Variants in USP4 observed in about 807,000 individuals in gnomAD.
The protein encoded by USP4 is ubiquitin carboxyl-terminal hydrolase 4.
USP4 carries 72 observed loss-of-function variants against 118.2 expected under a neutral mutation model. The ratio of observed to expected loss-of-function variants is 0.61; its 90% CI spans 0.50 to 0.74. The LOEUF (loss-of-function observed/expected upper bound fraction) is 0.74. Ranked by LOEUF, USP4 falls within the 30% of genes least tolerant of loss-of-function variation. USP4 has a pLI of 0.00. For missense variants in USP4, 1,037 were observed against 1,185.7 expected (o/e 0.87, Z 1.84); for synonymous variants, 415 against 440.4 (o/e 0.94, Z 0.72).
chr3:49,283,983 C>T lies in USP4; in HGVS notation c.2540+4G>A, dbSNP rs754309935. On this transcript the variant is annotated splice_donor_region_variant and intron_variant, in intron 19 of 21. Coordinates refer to ENST00000265560, the MANE Select transcript of USP4 (RefSeq NM_003363.4). ...TTCCTAACACTGTAGTCACCATGAC[C>T]CACCTGATTGGGAATTCTACGACTG... 3.1e-6 allele frequency: 5 copies of T among 1,614,068 alleles called. No individual in the cohort carries two copies. The South Asian group carries it at 4.4e-5, about 14-fold the overall frequency.
intron 6 of USP4, among the ~76,000 whole-genome samples, chr3:49,316,299 ATTTAT>A (rs1239896258): frequency 1.3e-5 from 2 of 152,054 alleles, no homozygotes; most frequent in Admixed American, 6.6e-5. Context: ...AACTTTATTT[ATTTAT>A]TTTGAGAGTG....
rs776286538 is a variant in USP4 at position 49,302,453 on chromosome 3, A to G, written c.1218T>C (p.His406=). The part of the protein sequence containing the change: ...ELLAFLLDGL[H]EDLNRVKKKP... The stretch of plus-strand genomic sequence containing the variant: ...TTTTCTTTACCCGGTTCAGATCTTC[A>G]TGCAATCCATCTAGAAGAAAGGCCA... The change falls in exon 10 of 22, where the codon CAT becomes CAC. Residue 406 remains histidine (H), a synonymous_variant. Coordinates refer to ENST00000265560, the MANE Select transcript of USP4 (RefSeq NM_003363.4). The G allele has an allele frequency of 5.0e-6, 8 of 1,614,184 alleles. No homozygotes were observed. Among genetic ancestry groups the G allele is most frequent in the Non-Finnish European group, 6.8e-6 (8 of 1,180,034 alleles).
At chr3:49,291,206 C>T (rs914683024) in intron 15 of USP4, among the ~76,000 whole-genome samples, 6 of 150,304 alleles carry the variant, frequency 4.0e-5, no homozygotes, top group African/African-American at 1.5e-4. Context: ...CCTCGTGATC[C>T]ACCCACCTCA....
At chr3:49,335,878 C>G (rs1487119271) in intron 1 of USP4, among the ~76,000 whole-genome samples, 2 of 151,088 alleles carry the variant, frequency 1.3e-5, no homozygotes, top group Non-Finnish European at 3.0e-5. Context: ...CTTTTTTTTT[C>G]TTTTAGACGG....
chr3:49,309,929 G>A (rs2047364973), intron 8 of USP4, among the ~76,000 whole-genome samples: 1 of 72,716 alleles, frequency 1.4e-5, no homozygotes, highest in Non-Finnish European at 2.7e-5. Context: ...GCTGCCCCCG[G>A]ACTTTTTTTT....
At chr3:49,292,639 T>A in intron 14 of USP4, 41 bp from the exon 15 acceptor site, 1 of 1,375,358 alleles carries the variant, frequency 7.3e-7, no homozygotes, top group Non-Finnish European at 9.9e-7. Flanking sequence ...AGATTGTTAG[T>A]TGTAACATTT....
At chr3:49,286,657 A>T (rs1174635802) in intron 15 of USP4, among the ~76,000 whole-genome samples, 1 of 152,108 alleles carries the variant, frequency 6.6e-6, no homozygotes, top group East Asian at 1.9e-4. Context: ...CTTCACCATT[A>T]GGCCCACAGA....
chr3:49,281,333 G>A (rs1160702005), intron 19 of USP4, among the ~76,000 whole-genome samples: 2 of 151,936 alleles, frequency 1.3e-5, no homozygotes, highest in Admixed American at 6.6e-5. Flanking sequence ...GTGGGCGCCT[G>A]TAGTCCCAGC....
chr3:49,283,062 C>G (rs2047053656), intron 19 of USP4, among the ~76,000 whole-genome samples: 1 of 123,968 alleles, frequency 8.1e-6, no homozygotes, highest in Non-Finnish European at 1.6e-5. Flanking sequence ...TGTCACCAGG[C>G]TGGAGTGCAG....
At chr3:49,296,466 G>A (rs1411917352) in intron 13 of USP4, among the ~76,000 whole-genome samples, 1 of 151,560 alleles carries the variant, frequency 6.6e-6, no homozygotes, top group Non-Finnish European at 1.5e-5. Context: ...TGGCTAACAC[G>A]GTGAAGCCCT....
intron 6 of USP4, among the ~76,000 whole-genome samples, chr3:49,321,232 T>C (rs1052086374): frequency 6.6e-6 from 1 of 152,226 alleles, no homozygotes; most frequent in Non-Finnish European, 1.5e-5. Flanking sequence ...TTCAAAGTTA[T>C]ACATTCAATT....
At chr3:49,318,300 C>T in intron 6 of USP4, 1 of 985,056 alleles carries the variant, frequency 1.0e-6, no homozygotes. Flanking sequence ...AGAATACTTG[C>T]TGCCTTACCA....
Position 49,277,300 on chromosome 3 carries a change from G to A in USP4, c.*993C>T. 2 of 1,222,500 alleles carry A rather than the reference G, an allele frequency of 1.6e-6. No individual in the cohort carries two copies. Among genetic ancestry groups the A allele is most frequent in the South Asian group, 2.5e-5 (2 of 79,078 alleles). The allele number at this position is 1,222,500 out of a possible 1,614,324, so 75.7% of individuals were successfully genotyped here. On this transcript the variant is annotated 3_prime_UTR_variant, in exon 22 of 22. Coordinates refer to ENST00000265560, the MANE Select transcript of USP4 (RefSeq NM_003363.4). Reference sequence around the variant, plus strand: ...CAGACAAAAAATCCCGGACCCATACGTCCGGTTCCTTAAGGCCTTGCCCAC... The same window carrying A: ...CAGACAAAAAATCCCGGACCCATACATCCGGTTCCTTAAGGCCTTGCCCAC...
At chr3:49,297,826 G>A (rs1384239281) in intron 13 of USP4, 44 bp downstream of exon 13, 1 of 1,461,700 alleles carries the variant, frequency 6.8e-7, no homozygotes. Context: ...TCTCTAGAAT[G>A]TGTCCTCTGA....
At chr3:49,313,244 A>G (rs1373102374) in intron 6 of USP4, among the ~76,000 whole-genome samples, 1 of 152,142 alleles carries the variant, frequency 6.6e-6, no homozygotes, top group Non-Finnish European at 1.5e-5. Flanking sequence ...AATGGCAATA[A>G]GGCCAGGCGA....
intron 13 of USP4, among the ~76,000 whole-genome samples, chr3:49,295,199 G>A (rs1243896978): frequency 2.1e-5 from 3 of 142,034 alleles, no homozygotes; most frequent in Non-Finnish European, 4.5e-5. Context: ...TGAGGCAGGA[G>A]AATGGTGTGA....
chr3:49,317,300 C>T (rs1424030699), intron 6 of USP4: 3 of 1,472,874 alleles, frequency 2.0e-6, no homozygotes, highest in Non-Finnish European at 2.8e-6. Flanking sequence ...TTGACGCAGG[C>T]CAGCTTCTCT....
At chr3:49,303,198 T>C (rs1429262732) in intron 9 of USP4, among the ~76,000 whole-genome samples, 1 of 152,052 alleles carries the variant, frequency 6.6e-6, no homozygotes, top group African/African-American at 2.4e-5. Context: ...CCCAGAATTT[T>C]GGAAGGCTGA....
rs745532309 is a variant in USP4, at chr3:49,278,844, G to A, written c.2703C>T (p.Asn901=). Residue 901 remains asparagine (N), a synonymous_variant, in exon 21 of 22, where the codon AAC becomes AAT. Transcript: ENST00000265560. ...TCTGATCCTCAGAGGCCAGGGACAC[G>A]TTGCTATCATCAAAGTAATACCATT... ...NGKWYYFDDS[N]VSLASEDQIV... 7 of 1,612,798 alleles carry A rather than the reference G, an allele frequency of 4.3e-6. No homozygotes were observed. Among genetic ancestry groups the A allele is most frequent in the Non-Finnish European group, 5.9e-6 (7 of 1,179,458 alleles).
Sources: gnomAD v4.1 joint callset for allele counts (sites outside exome capture counted in the v4.1 genomes callset) on GRCh38, gnomAD v4.1.1 for gene constraint, MANE v1.5 for transcripts, NCBI Gene and HGNC (gene_info 2026-07-23, HGNC 2026-07-21) for gene names.